The following THSD7B variants were observed in gnomAD, a reference collection of about 807,000 sequenced individuals.
THSD7B encodes the protein thrombospondin type 1 domain containing 7B, also known as thrombospondin type-1 domain-containing protein 7B.
In THSD7B, 138 loss-of-function variants were observed where a neutral mutation model predicts 213.6. The ratio of observed to expected loss-of-function variants is 0.65; its 90% confidence interval spans 0.56 to 0.74. The LOEUF is 0.74. THSD7B is among the 30% of genes least tolerant of loss of function. The pLI, the probability that THSD7B is intolerant of heterozygous loss-of-function variation, is 0.00. For synonymous variants in THSD7B, 742 were observed against 687.0 expected, an observed-to-expected ratio of 1.08 and a Z score of -1.25; for missense variants, 1,931 against 1,991.5, an observed-to-expected ratio of 0.97 and a Z score of 0.58.
intron 12 of THSD7B, among the ~76,000 whole-genome samples, chr2:137,359,034 AT>A (rs1373389920): frequency 1.3e-5 from 2 of 152,218 alleles, no homozygotes; most frequent in Non-Finnish European, 2.9e-5. Flanking sequence ...GATACGCTTT[AT>A]CTGTAGATGT....
At chr2:137,074,746 G>C (rs557759566) in intron 3 of THSD7B, among the ~76,000 whole-genome samples, 5 of 152,218 alleles carry the variant, frequency 3.3e-5, no homozygotes, top group Admixed American at 3.3e-4. Context: ...TCCATGTTTA[G>C]TGCTTCCTTC....
At chr2:137,106,871 C>T (rs191674656) in intron 4 of THSD7B, among the ~76,000 whole-genome samples, 2 of 151,956 alleles carry the variant, frequency 1.3e-5, no homozygotes, top group East Asian at 1.9e-4. Flanking sequence ...GAATGGTGAT[C>T]GATTAAAAGT....
intron 2 of THSD7B, among the ~76,000 whole-genome samples, chr2:137,013,480 A>T (rs1686277228): frequency 6.6e-6 from 1 of 152,140 alleles, no homozygotes; most frequent in African/African-American, 2.4e-5. Flanking sequence ...AAAGGAGAGA[A>T]CTGCACAGAG....
intron 7 of THSD7B, among the ~76,000 whole-genome samples, chr2:137,201,569 A>G (rs559693448): frequency 6.6e-6 from 1 of 152,210 alleles, no homozygotes; most frequent in Non-Finnish European, 1.5e-5. Context: ...ATTGTACTCC[A>G]TAAGTATATA....
intron 15 of THSD7B, among the ~76,000 whole-genome samples, chr2:137,497,155 T>C (rs927912655): frequency 3.3e-5 from 5 of 151,836 alleles, no homozygotes; most frequent in African/African-American, 1.2e-4. Flanking sequence ...TTTTTAGGCT[T>C]CTTATGAATG....
At position 137,180,623 on chromosome 2, in the gene THSD7B, T is replaced by A. The variant is rs143928918; in HGVS notation, c.1723+9685T>A. On this transcript the variant is annotated intron_variant, in intron 7 of 27. Coordinates refer to ENST00000409968, the MANE Select transcript of THSD7B (RefSeq NM_001316349.2). ...AATTGGGAACTATTGTTATTTTTTA[T>A]TCCAAATTTACTGATGAGAAAATTG... Among the ~76,000 whole-genome samples the A allele has an allele frequency of 3.7e-3, 569 of 152,284 alleles. 13 individuals are homozygous for A. The highest frequency in any genetic ancestry group is 0.033 in the Admixed American group (497 of 15,280).
intron 12 of THSD7B, among the ~76,000 whole-genome samples, chr2:137,331,510 C>T (rs915514810): frequency 6.6e-6 from 1 of 152,234 alleles, no homozygotes; most frequent in South Asian, 2.1e-4. Flanking sequence ...AGGTTCTCCA[C>T]GTCCCCACCA....
At chr2:136,918,440 T>C (rs979567436) in intron 2 of THSD7B, among the ~76,000 whole-genome samples, 18 of 152,232 alleles carry the variant, frequency 1.2e-4, no homozygotes, top group African/African-American at 4.3e-4. Flanking sequence ...ATATAGTTGC[T>C]ACGTTATATC....
chr2:137,320,009 T>C (rs1473288054), intron 12 of THSD7B, among the ~76,000 whole-genome samples: 1 of 152,172 alleles, frequency 6.6e-6, no homozygotes, highest in African/African-American at 2.4e-5. Flanking sequence ...CTGAGGATTA[T>C]GGAGTAGAAA....
chr2:137,189,736 G>A (rs1472905164), intron 7 of THSD7B, among the ~76,000 whole-genome samples: 1 of 151,966 alleles, frequency 6.6e-6, no homozygotes, highest in African/African-American at 2.4e-5. Flanking sequence ...TCTTTGCCAA[G>A]GGTATTTCTG....
chr2:137,594,662 T>C (rs1681927052), intron 17 of THSD7B, among the ~76,000 whole-genome samples: 1 of 152,034 alleles, frequency 6.6e-6, no homozygotes, highest in African/African-American at 2.4e-5. Context: ...TTTTTCATTA[T>C]TCTTAATTCT....
chr2:137,415,401 G>A (rs1000154649), intron 14 of THSD7B, among the ~76,000 whole-genome samples: 13 of 152,094 alleles, frequency 8.5e-5, no homozygotes, highest in Middle Eastern at 3.4e-3. Context: ...CTTGGCTTTC[G>A]GAGTATCACA....
intron 18 of THSD7B, 51 bp from the exon 19 acceptor site, chr2:137,618,341 C>A: frequency 6.8e-7 from 1 of 1,471,084 alleles, no homozygotes; most frequent in Non-Finnish European, 9.4e-7. Flanking sequence ...TTGTATTTTG[C>A]TCACATGGCC....
At chr2:137,259,968 G>A (rs1682403460) in intron 10 of THSD7B, among the ~76,000 whole-genome samples, 1 of 151,918 alleles carries the variant, frequency 6.6e-6, no homozygotes, top group South Asian at 2.1e-4. Flanking sequence ...TGTAGGTTTT[G>A]CCTCCTCTTT....
chr2:136,978,984 G>C (rs776096722), intron 2 of THSD7B, among the ~76,000 whole-genome samples: 17 of 151,568 alleles, frequency 1.1e-4, no homozygotes, highest in Non-Finnish European at 2.2e-4. Context: ...AGCCAGGCCT[G>C]GTGGTGATGA....
intron 5 of THSD7B, among the ~76,000 whole-genome samples, chr2:137,132,582 G>T (rs1303389796): frequency 6.6e-6 from 1 of 152,096 alleles, no homozygotes; most frequent in Non-Finnish European, 1.5e-5. Flanking sequence ...ATAAAGGCTA[G>T]ACATCAAGAT....
intron 12 of THSD7B, among the ~76,000 whole-genome samples, chr2:137,394,936 A>G (rs566697758): frequency 0.054 from 7,967 of 146,732 alleles, 869 homozygotes; most frequent in African/African-American, 0.19. Flanking sequence ...TGTGAATGGC[A>G]GTTCACTCAT....
At chr2:137,610,084 G>T (rs1368160329) in intron 17 of THSD7B, among the ~76,000 whole-genome samples, 1 of 152,114 alleles carries the variant, frequency 6.6e-6, no homozygotes, top group South Asian at 2.1e-4. Context: ...GTTTGTTATT[G>T]TGCACATAAA....
rs546357218 is a variant in THSD7B at position 136,954,641 on chromosome 2, C to T, written c.139+72324C>T. On this transcript the variant is annotated intron_variant, in intron 2 of 27. Transcript: ENST00000409968. ...TGAGGCAGGAGAATGGTGTGAACCC[C>T]GGGGAGCGGAGACTGCAGTAAGCCA... Among the ~76,000 whole-genome samples, 23 of 140,228 alleles carry T rather than the reference C, an allele frequency of 1.6e-4. No individual in the cohort carries two copies. In the South Asian group the frequency reaches 3.4e-3, roughly 21 times the overall value. The allele number at this position is 140,228 out of a possible 152,430, so 92.0% of individuals were successfully genotyped here. A position where few individuals can be genotyped will look rare whatever the true frequency, so the allele number is the denominator to read the frequency against.
Sources: allele counts gnomAD v4.1 joint callset (sites outside exome capture counted in the v4.1 genomes callset), GRCh38; gene constraint gnomAD v4.1.1; transcripts MANE v1.5; gene names NCBI Gene and HGNC (gene_info 2026-07-23, HGNC 2026-07-21).